The following ERC1 variants were observed in gnomAD, a reference collection of about 807,000 sequenced individuals.
The protein encoded by ERC1 is RAB6 interacting protein 2.
ERC1 carries 56 observed loss-of-function variants against 132.0 expected under a neutral mutation model. The ratio of observed to expected loss-of-function variants is 0.42; its 90% CI spans 0.34 to 0.53. The LOEUF (loss-of-function observed/expected upper bound fraction) is 0.53, where lower values mean the gene tolerates loss of function less well. Ranked by LOEUF, ERC1 falls within the 20% of genes least tolerant of loss-of-function variation. ERC1 has a pLI of 0.03. For missense variants in ERC1, 1,202 were observed against 1,349.9 expected, an observed-to-expected ratio of 0.89 and a Z score of 1.72; for synonymous variants, 478 against 476.1, an observed-to-expected ratio of 1.00 and a Z score of -0.05.
intron 14 of ERC1, among the ~76,000 whole-genome samples, chr12:1,280,077 A>ATC (rs1032217819): frequency 3.3e-5 from 5 of 152,140 alleles, no homozygotes; most frequent in African/African-American, 1.2e-4. Flanking sequence ...TATGTGGTGG[A>ATC]TCTATACCAA....
rs150074176 is a variant in ERC1 at position 1,336,117 on chromosome 12, G to C, written c.2781-35716G>C. On this transcript the variant is annotated intron_variant, in intron 15 of 18. Coordinates refer to ENST00000360905, the MANE Select transcript of ERC1 (RefSeq NM_178040.4). The stretch of plus-strand genomic sequence containing the variant: ...TGGGTTCGGTAATAATATCCTTTTT[G>C]TTATTTCTAATCGTGTTTGTTTGGA... Among the ~76,000 whole-genome samples, 1,194 of 151,964 alleles carry C rather than the reference G, an allele frequency of 7.9e-3. 16 individuals carry two copies. The highest frequency in any genetic ancestry group is 0.027 in the African/African-American group (1,140 of 41,464).
intron 17 of ERC1, among the ~76,000 whole-genome samples, chr12:1,428,274 C>T (rs1444810482): frequency 6.6e-6 from 1 of 152,158 alleles, no homozygotes; most frequent in African/African-American, 2.4e-5. Context: ...TGTGGGCACC[C>T]GACAGGGCTC....
chr12:1,070,290 CTTTCTTTTTTTCT>C (rs1940092591), intron 2 of ERC1, among the ~76,000 whole-genome samples: 1 of 150,522 alleles, frequency 6.6e-6, no homozygotes, highest in South Asian at 2.1e-4. Flanking sequence ...TTTTTTCTTA[CTTTCTTTTTTTCT>C]TTTCTTTTTT....
At chr12:1,313,117 C>T (rs562656770) in intron 15 of ERC1, among the ~76,000 whole-genome samples, 8 of 152,152 alleles carry the variant, frequency 5.3e-5, no homozygotes, top group Middle Eastern at 3.4e-3. Context: ...CTTTCTTTTC[C>T]GCTATCCTTA....
chr12:1,354,126 G>C (rs749285869), intron 15 of ERC1, among the ~76,000 whole-genome samples: 10 of 151,772 alleles, frequency 6.6e-5, no homozygotes, highest in Admixed American at 1.3e-4. Context: ...TTTCAGTGCT[G>C]ATCATTCCCA....
At chr12:1,194,195 C>T (rs1326053023) in intron 12 of ERC1, among the ~76,000 whole-genome samples, 2 of 152,082 alleles carry the variant, frequency 1.3e-5, no homozygotes, top group African/African-American at 2.4e-5. Context: ...CTGAGGCAGG[C>T]GGATCACCTG....
chr12:1,424,298 G>A (rs1468447226), intron 17 of ERC1, among the ~76,000 whole-genome samples: 1 of 152,110 alleles, frequency 6.6e-6, no homozygotes, highest in Admixed American at 6.6e-5. Context: ...TTTCAATAGA[G>A]GGGTAATAGA....
intron 18 of ERC1, among the ~76,000 whole-genome samples, chr12:1,451,270 A>G (rs1037933563): frequency 1.3e-5 from 2 of 152,072 alleles, no homozygotes; most frequent in African/African-American, 2.4e-5. Context: ...TTTGTTTTTT[A>G]TCTGTGTATG....
intron 1 of ERC1, among the ~76,000 whole-genome samples, chr12:996,372 G>T (rs1051691077): frequency 2.7e-5 from 4 of 150,922 alleles, no homozygotes; most frequent in African/African-American, 9.8e-5. Context: ...AGAGTGCTGG[G>T]ATTACAGGCA....
rs368126286 is a variant in ERC1, at chr12:1,323,824, T to C, written c.2780+33812T>C. Among the ~76,000 whole-genome samples the C allele has an allele frequency of 5.0e-4, 76 of 152,316 alleles. 1 individual carries two copies. The highest frequency in any genetic ancestry group is 9.3e-4 in the Non-Finnish European group (63 of 68,020). On this transcript the variant is annotated intron_variant, in intron 15 of 18. Coordinates refer to ENST00000360905, the MANE Select transcript of ERC1 (RefSeq NM_178040.4). ...TCTTTTCAATTTTTTCTTTTAAATG[T>C]GCAACATGAAACTACTCCTTACCTT...
intron 11 of ERC1, among the ~76,000 whole-genome samples, chr12:1,187,355 AT>A (rs920061029): frequency 4.0e-5 from 6 of 149,808 alleles, no homozygotes; most frequent in Non-Finnish European, 5.9e-5. Flanking sequence ...AGTATCTTTG[AT>A]TTTTTTTTTC....
chr12:1,010,703 G>A (rs942355541), intron 1 of ERC1, among the ~76,000 whole-genome samples: 1 of 151,486 alleles, frequency 6.6e-6, no homozygotes, highest in Non-Finnish European at 1.5e-5. Flanking sequence ...ATTAGAAATG[G>A]GTTTTTACCA....
At chr12:1,104,652 C>A in intron 3 of ERC1, 98 bp from the exon 4 acceptor site, 1 of 818,768 alleles carries the variant, frequency 1.2e-6, no homozygotes, top group Non-Finnish European at 2.1e-6. Context: ...TCTCATAAGG[C>A]TGTAGTGATC....
At chr12:1,109,526 A>G (rs1329226150) in intron 4 of ERC1, among the ~76,000 whole-genome samples, 1 of 152,188 alleles carries the variant, frequency 6.6e-6, no homozygotes, top group African/African-American at 2.4e-5. Context: ...AGAACTAGAA[A>G]AGGCTTTACT....
intron 15 of ERC1, among the ~76,000 whole-genome samples, chr12:1,355,125 A>G (rs1474586843): frequency 6.6e-6 from 1 of 152,140 alleles, no homozygotes; most frequent in Non-Finnish European, 1.5e-5. Context: ...TCTGTGGGCC[A>G]TTTGGTCTCT....
chr12:1,321,694 A>G (rs1057105379), intron 15 of ERC1, among the ~76,000 whole-genome samples: 1 of 152,202 alleles, frequency 6.6e-6, no homozygotes, highest in African/African-American at 2.4e-5. Context: ...TATAAATAAT[A>G]CTTGAGTGTT....
chr12:1,258,471 A>G (rs2076946923), intron 13 of ERC1, among the ~76,000 whole-genome samples: 1 of 152,218 alleles, frequency 6.6e-6, no homozygotes, highest in Non-Finnish European at 1.5e-5. Context: ...GGGTTTTAGC[A>G]CATCCCCTTA....
At chr12:1,223,051 C>T (rs747615032) in intron 12 of ERC1, among the ~76,000 whole-genome samples, 5 of 152,116 alleles carry the variant, frequency 3.3e-5, no homozygotes, top group Non-Finnish European at 7.4e-5. Context: ...ATTTGTTCAA[C>T]AAATGTTTAA....
Position 1,236,640 on chromosome 12 carries a change from A to C in ERC1, c.2352-129A>C, listed in dbSNP as rs530571285. On this transcript the variant is annotated intron_variant, in intron 12 of 18. Transcript: ENST00000360905. ...GGAACGAATTTGGAATTGTTGAAAA[A>C]TTTCGCAGCATGTATTTATTCGTTG... is the stretch of plus-strand genomic sequence containing the variant. The C allele has an allele frequency of 7.4e-5, 65 of 878,972 alleles. No homozygotes were observed. The South Asian group carries it at 1.2e-3, about 17-fold the overall frequency. The allele number at this position is 878,972 out of a possible 1,614,324, so 54.4% of individuals were successfully genotyped here.
Sources: gnomAD v4.1 joint callset for allele counts (sites outside exome capture counted in the v4.1 genomes callset) on GRCh38, gnomAD v4.1.1 for gene constraint, MANE v1.5 for transcripts, NCBI Gene and HGNC (gene_info 2026-07-23, HGNC 2026-07-21) for gene names.